The following SMURF1 variants were observed in gnomAD, a reference collection of about 807,000 sequenced individuals.
The protein encoded by SMURF1 is SMAD specific E3 ubiquitin protein ligase 1.
In SMURF1, 44 loss-of-function variants were observed where a neutral mutation model predicts 98.0. That is an observed-to-expected ratio of 0.45 (90% CI 0.35 to 0.58). The LOEUF (loss-of-function observed/expected upper bound fraction) is 0.58, where lower values mean the gene tolerates loss of function less well. Ranked by LOEUF, SMURF1 falls within the 20% of genes least tolerant of loss-of-function variation. The pLI is 0.00. For synonymous variants in SMURF1, 396 were observed against 374.9 expected, an observed-to-expected ratio of 1.06 and a Z score of -0.65; for missense variants, 687 against 938.4, an observed-to-expected ratio of 0.73 and a Z score of 3.50.
chr7:99,058,239 C>T (rs961794838), intron 3 of SMURF1, among the ~76,000 whole-genome samples: 2 of 152,028 alleles, frequency 1.3e-5, no homozygotes, highest in Non-Finnish European at 2.9e-5. Flanking sequence ...AAGGAATTCT[C>T]CTGCCTCAGC....
intron 2 of SMURF1, among the ~76,000 whole-genome samples, 198 bp downstream of exon 2, chr7:99,061,601 T>C (rs1245214623): frequency 1.3e-5 from 2 of 152,230 alleles, no homozygotes; most frequent in Non-Finnish European, 2.9e-5. Flanking sequence ...TGCGGTATGA[T>C]TTATAAGTTC....
intron 16 of SMURF1, among the ~76,000 whole-genome samples, chr7:99,033,810 T>C (rs1795013080): frequency 1.3e-5 from 2 of 152,146 alleles, no homozygotes; most frequent in Non-Finnish European, 1.5e-5. Context: ...GCTCAGGTGT[T>C]TCCAAACTCA....
chr7:99,098,056 C>T (rs1796994586), intron 1 of SMURF1, among the ~76,000 whole-genome samples: 1 of 152,148 alleles, frequency 6.6e-6, no homozygotes, highest in South Asian at 2.1e-4. Context: ...CTGTCAACAT[C>T]AAGAACTGCT....
chr7:99,071,900 C>T (rs1796332774), intron 1 of SMURF1, among the ~76,000 whole-genome samples: 1 of 151,184 alleles, frequency 6.6e-6, no homozygotes, highest in Non-Finnish European at 1.5e-5. Flanking sequence ...CGTAACAAGA[C>T]ACTGTATCTT....
At chr7:99,117,350 G>T (rs2395016) in intron 1 of SMURF1, among the ~76,000 whole-genome samples, 143,865 of 152,118 alleles carry the variant, frequency 0.95, 68,440 homozygotes, top group East Asian at 1. Context: ...GCTTTTTTTG[G>T]TTTTGTTTTT....
At position 99,051,446 on chromosome 7, in the gene SMURF1, A is replaced by C. The variant is rs2150526641; in HGVS notation, c.722-5T>G. The C allele has an allele frequency of 6.2e-7, 1 of 1,612,394 alleles. No homozygotes were observed. The highest frequency in any genetic ancestry group is 8.5e-7 in the Non-Finnish European group (1 of 1,178,442). ...CCTGGACTGTTGTTCTTTGTTCTAC[A>C]CAAGAAATTAGAGATCCAAATGAGA... On this transcript the variant is annotated splice_polypyrimidine_tract_variant and splice_region_variant and intron_variant, in intron 7 of 17. Transcript: ENST00000361368.
At position 99,033,023 on chromosome 7, in the gene SMURF1, G is replaced by A; in HGVS notation, c.2096+14C>T. 6.3e-7 allele frequency: 1 copy of A among 1,599,382 alleles called. No homozygotes were observed. Among genetic ancestry groups the A allele is most frequent in the South Asian group, 1.1e-5 (1 of 89,386 alleles). On this transcript the variant is annotated intron_variant, in intron 17 of 17. Transcript: ENST00000361368. ...GCTCCCAGGACGCCGTGACTTCCTG[G>A]CCGCGGTGCTTACCAGGTATGGGCC...
At chr7:99,119,983 T>C (rs1177098627) in intron 1 of SMURF1, among the ~76,000 whole-genome samples, 1 of 152,222 alleles carries the variant, frequency 6.6e-6, no homozygotes, top group Non-Finnish European at 1.5e-5. Context: ...CCTCCAGTGC[T>C]GGAGATGGGG....
At chr7:99,107,734 C>T (rs958969565) in intron 1 of SMURF1, among the ~76,000 whole-genome samples, 3 of 152,208 alleles carry the variant, frequency 2.0e-5, no homozygotes, top group Non-Finnish European at 2.9e-5. Flanking sequence ...CCAGGCTTCT[C>T]GGAGCCAGTC....
At chr7:99,112,972 G>A (rs1331751669) in intron 1 of SMURF1, among the ~76,000 whole-genome samples, 1 of 152,060 alleles carries the variant, frequency 6.6e-6, no homozygotes, top group Non-Finnish European at 1.5e-5. Context: ...AGGTTTTCTG[G>A]CTTGATGAAC....
intron 1 of SMURF1, among the ~76,000 whole-genome samples, chr7:99,080,241 C>G (rs1233031310): frequency 6.6e-6 from 1 of 152,172 alleles, no homozygotes; most frequent in African/African-American, 2.4e-5. Flanking sequence ...TAAGTTGAAA[C>G]AGTAATCAAA....
intron 13 of SMURF1, 75 bp downstream of exon 13, chr7:99,040,303 G>GCGCA (rs1381775365): frequency 4.5e-6 from 6 of 1,319,014 alleles, no homozygotes; most frequent in Admixed American, 3.0e-5. Context: ...ACGCGCGCGC[G>GCGCA]CGCGCACGCG....
chr7:99,104,380 T>C (rs1015034660), intron 1 of SMURF1, among the ~76,000 whole-genome samples: 1 of 152,204 alleles, frequency 6.6e-6, no homozygotes, highest in Non-Finnish European at 1.5e-5. Flanking sequence ...CTAGAGCCTT[T>C]CTGTCTTTAT....
chr7:99,136,584 T>G (rs1328962060), intron 1 of SMURF1, among the ~76,000 whole-genome samples: 1 of 152,236 alleles, frequency 6.6e-6, no homozygotes, highest in African/African-American at 2.4e-5. Flanking sequence ...TTATTAATAA[T>G]AACTATTTTG....
intron 11 of SMURF1, among the ~76,000 whole-genome samples, chr7:99,043,619 A>C (rs1179615605): frequency 6.6e-6 from 1 of 152,240 alleles, no homozygotes; most frequent in East Asian, 1.9e-4. Flanking sequence ...ATGACCAAAG[A>C]AAGAAAATGT....
chr7:99,112,619 T>C (rs1169390506), intron 1 of SMURF1, among the ~76,000 whole-genome samples: 1 of 152,124 alleles, frequency 6.6e-6, no homozygotes, highest in East Asian at 1.9e-4. Flanking sequence ...CTATGGCCTA[T>C]ACCCAGAAAA....
At chr7:99,101,195 A>C (rs1045672222) in intron 1 of SMURF1, among the ~76,000 whole-genome samples, 2 of 152,158 alleles carry the variant, frequency 1.3e-5, no homozygotes, top group Admixed American at 6.5e-5. Context: ...ACATGGCAAA[A>C]TCCCATCTCT....
At chr7:99,122,745 CTTTTTT>C (rs373204946) in intron 1 of SMURF1, among the ~76,000 whole-genome samples, 12 of 112,430 alleles carry the variant, frequency 1.1e-4, no homozygotes, top group African/African-American at 2.8e-4. Flanking sequence ...TTCTTTCTTT[CTTTTTT>C]TTTTTTTTTT....
At chr7:99,070,545 T>C (rs575774127) in intron 1 of SMURF1, among the ~76,000 whole-genome samples, 1 of 152,232 alleles carries the variant, frequency 6.6e-6, no homozygotes. Flanking sequence ...CTGAAGCAAG[T>C]ACTGTGTCTT....
Sources: allele counts gnomAD v4.1 joint callset (sites outside exome capture counted in the v4.1 genomes callset), GRCh38; gene constraint gnomAD v4.1.1; transcripts MANE v1.5; gene names NCBI Gene and HGNC (gene_info 2026-07-23, HGNC 2026-07-21).